Variants in ZC3HAV1L observed in about 807,000 individuals in gnomAD.
ZC3HAV1L encodes the protein zinc finger CCCH-type antiviral protein 1-like.
ZC3HAV1L carries 23 observed loss-of-function variants against 28.2 expected under a neutral mutation model. The observed-to-expected ratio is 0.82, with a 90% CI of 0.59 to 1.16. ZC3HAV1L has a LOEUF of 1.16. Ranked by LOEUF, ZC3HAV1L falls within the 50% of genes most tolerant of loss-of-function variation. The pLI, the probability that ZC3HAV1L is intolerant of heterozygous loss-of-function variation, is 0.00. For missense variants in ZC3HAV1L, 376 were observed against 387.7 expected (o/e 0.97, Z 0.25); for synonymous variants, 180 against 163.4 (o/e 1.10, Z -0.78).
chr7:139,028,479 A>G (rs1815422363), intron 3 of ZC3HAV1L, among the ~76,000 whole-genome samples: 1 of 152,066 alleles, frequency 6.6e-6, no homozygotes, highest in Admixed American at 6.5e-5. Flanking sequence ...TAGCAGTGAC[A>G]GTGCTAAAGA....
chr7:139,028,741 A>T lies in ZC3HAV1L; in HGVS notation c.721T>A (p.Tyr241Asn), dbSNP rs1219393908. 1.9e-6 allele frequency: 3 copies of T among 1,614,166 alleles called. No individual in the cohort carries two copies. In the Admixed American group the frequency reaches 5.0e-5, roughly 27 times the overall value. ...SVVNFQIIST[Y>N]KHMKLHKMLE... ...ATCTTGTGCAGCTTCATATGCTTGT[A>T]GGTGGAGATTATCTGAAAATTAACA... Residue 241 changes from tyrosine (Y) to asparagine (N), a missense_variant, in exon 3 of 5, where the codon TAC (tyrosine) becomes AAC (asparagine). Transcript: ENST00000275766.
rs764218888 is a variant in ZC3HAV1L at position 139,026,577 on chromosome 7, A to T, written c.887-17T>A. On this transcript the variant is annotated splice_polypyrimidine_tract_variant and intron_variant, in intron 4 of 4. Transcript: ENST00000275766. ...CGCAAGACACTGTGAGGTAGATATT[A>T]TTATGACCATTACAAATCTATCATT... 115 of 1,611,702 alleles carry T rather than the reference A, an allele frequency of 7.1e-5. No homozygotes were observed. The highest frequency in any genetic ancestry group is 9.6e-5 in the Non-Finnish European group (113 of 1,177,954).
At chr7:139,028,401 C>CT (rs1308035548) in intron 3 of ZC3HAV1L, among the ~76,000 whole-genome samples, 1 of 149,302 alleles carries the variant, frequency 6.7e-6, no homozygotes, top group Admixed American at 6.7e-5. Context: ...AAAACCTGTT[C>CT]TACCTACTTC....
At chr7:139,024,012 G>A (rs1279880650), downstream of ZC3HAV1L, among the ~76,000 whole-genome samples, 1 of 152,154 alleles carries the variant, frequency 6.6e-6, no homozygotes, top group African/African-American at 2.4e-5. Flanking sequence ...GTAGATAGTG[G>A]TGACATTCAA....
At chr7:139,030,193 C>A (rs1384084483) in intron 2 of ZC3HAV1L, among the ~76,000 whole-genome samples, 1 of 152,172 alleles carries the variant, frequency 6.6e-6, no homozygotes, top group African/African-American at 2.4e-5. Context: ...CACCTGTAAT[C>A]CCAGCACTTT....
At chr7:139,029,557 T>C (rs1018413401) in intron 2 of ZC3HAV1L, among the ~76,000 whole-genome samples, 3 of 152,130 alleles carry the variant, frequency 2.0e-5, no homozygotes, top group Non-Finnish European at 4.4e-5. Flanking sequence ...AATGAATGAC[T>C]TAGATAAAGC....
At chr7:139,035,423 T>C in intron 1 of ZC3HAV1L, 1 of 985,314 alleles carries the variant, frequency 1.0e-6, no homozygotes, top group Non-Finnish European at 1.2e-6. Context: ...GCAACTTTTC[T>C]GGCGTGGGCG....
chr7:139,033,837 C>CA, intron 2 of ZC3HAV1L: 2 of 985,478 alleles, frequency 2.0e-6, no homozygotes, highest in South Asian at 9.4e-5. Context: ...CTCATAGGTG[C>CA]AGCCACCCTC....
intron 1 of ZC3HAV1L, chr7:139,035,145 C>A (rs1161738406): frequency 2.0e-6 from 2 of 985,340 alleles, no homozygotes; most frequent in African/African-American, 3.5e-5. Flanking sequence ...AACCACAGGG[C>A]CTCACCCAAG....
chr7:139,022,048 C>CA (rs1391095841), downstream of ZC3HAV1L, among the ~76,000 whole-genome samples: 1 of 151,586 alleles, frequency 6.6e-6, no homozygotes, highest in Non-Finnish European at 1.5e-5. Flanking sequence ...AAAACCTAGA[C>CA]AAAAAGAAGA....
rs1815348090 is a variant in ZC3HAV1L, at chr7:139,026,222, T to C, written c.*322A>G. Reference sequence around the variant, plus strand: ...TGCAAAAACATGATTATGTACGATGTGAACAAATATAGAAAGATGCTTATG... The same window carrying C: ...TGCAAAAACATGATTATGTACGATGCGAACAAATATAGAAAGATGCTTATG... On this transcript the variant is annotated 3_prime_UTR_variant, in exon 5 of 5. Transcript: ENST00000275766. 3.0e-6 allele frequency: 1 copy of C among 337,410 alleles called. No individual in the cohort carries two copies. The highest frequency in any genetic ancestry group is 2.2e-5 in the African/African-American group (1 of 46,464). The allele number at this position is 337,410 out of a possible 1,614,324, so 20.9% of individuals were successfully genotyped here. A position where few individuals can be genotyped will look rare whatever the true frequency, so the allele number is the denominator to read the frequency against.
intron 2 of ZC3HAV1L, among the ~76,000 whole-genome samples, chr7:139,033,265 T>C (rs868137904): frequency 3.3e-5 from 5 of 152,212 alleles, no homozygotes; most frequent in East Asian, 3.8e-4. Flanking sequence ...GCTTTGAGGT[T>C]TGTTTAATGC....
intron 4 of ZC3HAV1L, 30 bp from the exon 5 acceptor site, chr7:139,026,590 C>T: frequency 6.2e-7 from 1 of 1,611,562 alleles, no homozygotes; most frequent in African/African-American, 1.3e-5. Flanking sequence ...ATGACCATTA[C>T]AAATCTATCA....
chr7:139,021,630 A>T (rs925717987), downstream of ZC3HAV1L, among the ~76,000 whole-genome samples: 2 of 152,130 alleles, frequency 1.3e-5, no homozygotes, highest in African/African-American at 4.8e-5. Context: ...AATATTACAA[A>T]AACCCTTATT....
intron 3 of ZC3HAV1L, 39 bp downstream of exon 3, chr7:139,028,663 T>C (rs1322308134): frequency 6.3e-7 from 1 of 1,596,402 alleles, no homozygotes; most frequent in Admixed American, 1.7e-5. Context: ...CGCAAAACCA[T>C]ATCGCTGATA....
At chr7:139,026,637 GA>G in intron 4 of ZC3HAV1L, 70 bp downstream of exon 4, 1 of 1,612,646 alleles carries the variant, frequency 6.2e-7, no homozygotes, top group South Asian at 1.1e-5. Context: ...AAGCTAAACA[GA>G]AGGCTTGTTT....
intron 2 of ZC3HAV1L, among the ~76,000 whole-genome samples, chr7:139,032,986 T>A (rs1222705518): frequency 6.6e-6 from 1 of 152,122 alleles, no homozygotes. Context: ...GGCAGAGGGA[T>A]CACTTGAGGT....
chr7:139,034,744 C>T lies in ZC3HAV1L; in HGVS notation c.366-66G>A, dbSNP rs78981235. The T allele has an allele frequency of 3.6e-3, 5,693 of 1,580,682 alleles. 164 individuals are homozygous for T. In the African/African-American group the frequency reaches 0.07, roughly 19 times the overall value. ...AGGACCAGTCTGTCCAATTCCTTGC[C>T]TTGAGCAGCTTTCAATGTATTTAAT... On this transcript the variant is annotated intron_variant, in intron 1 of 4. Coordinates refer to ENST00000275766, the MANE Select transcript of ZC3HAV1L (RefSeq NM_080660.4).
chr7:139,033,065 T>C (rs1416288782), intron 2 of ZC3HAV1L, among the ~76,000 whole-genome samples: 1 of 152,038 alleles, frequency 6.6e-6, no homozygotes, highest in East Asian at 1.9e-4. Context: ...AAAAATTAGC[T>C]GGGCATGGTG....
Sources: allele counts gnomAD v4.1 joint callset (sites outside exome capture counted in the v4.1 genomes callset), GRCh38; gene constraint gnomAD v4.1.1; transcripts MANE v1.5; gene names NCBI Gene and HGNC (gene_info 2026-07-23, HGNC 2026-07-21).